The following GLDC variants were observed in gnomAD, a reference collection of about 807,000 sequenced individuals.
GLDC encodes glycine dehydrogenase (decarboxylating), mitochondrial.
In GLDC, 104 loss-of-function variants were observed where a neutral mutation model predicts 121.3. The ratio of observed to expected loss-of-function variants is 0.86; its 90% CI spans 0.73 to 1.01. GLDC has a LOEUF of 1.01. Among genes scored for constraint, GLDC ranks in the 50% least tolerant of loss-of-function variants. The pLI is 0.00. For missense variants in GLDC, 1,429 were observed against 1,306.6 expected (o/e 1.09, Z -1.44); for synonymous variants, 546 against 480.6 (o/e 1.14, Z -1.78).
intron 21 of GLDC, chr9:6,540,540 T>C (rs2297442): frequency 0.27 from 56,952 of 214,324 alleles, 8,406 homozygotes; most frequent in Admixed American, 0.32. Flanking sequence ...TACAAAATAT[T>C]TCTAGAGCCA....
At chr9:6,536,386 T>A (rs1044568786) in intron 22 of GLDC, 150 bp from the exon 23 acceptor site, 52 of 757,602 alleles carry the variant, frequency 6.9e-5, no homozygotes, top group Non-Finnish European at 2.0e-5. Flanking sequence ...ATCTCAGTGC[T>A]GTTCATAGAA....
intron 2 of GLDC, among the ~76,000 whole-genome samples, chr9:6,624,373 A>C (rs1306323952): frequency 2.0e-5 from 3 of 152,168 alleles, no homozygotes; most frequent in Non-Finnish European, 4.4e-5. Context: ...GAAGAGCAAA[A>C]TTGGGACACA....
rs376065525 is a variant in GLDC at position 6,625,488 on chromosome 9, T to C, written c.335-5169A>G. ...GGGTTACTGAAACCAACAGTCCTCATAGTAAGTGAAACCGCTAAGGTAATT... is the reference window on the plus strand; with the variant it reads ...GGGTTACTGAAACCAACAGTCCTCACAGTAAGTGAAACCGCTAAGGTAATT... On this transcript the variant is annotated intron_variant, in intron 2 of 24. Coordinates refer to ENST00000321612, the MANE Select transcript of GLDC (RefSeq NM_000170.3). Among the ~76,000 whole-genome samples the C allele has an allele frequency of 2.6e-4, 39 of 152,284 alleles. No individual in the cohort carries two copies. The East Asian group carries it at 5.0e-3, about 20-fold the overall frequency.
At chr9:6,581,400 G>A (rs951756114) in intron 15 of GLDC, among the ~76,000 whole-genome samples, 1 of 152,092 alleles carries the variant, frequency 6.6e-6, no homozygotes, top group African/African-American at 2.4e-5. Flanking sequence ...TGTGCTTTCC[G>A]GGATCAGCAA....
intron 15 of GLDC, chr9:6,567,340 G>A (rs1055447332): frequency 6.6e-6 from 1 of 152,148 alleles, no homozygotes; most frequent in African/African-American, 2.4e-5. Flanking sequence ...ACAAGAAAAT[G>A]AATATGCCGT....
chr9:6,585,767 C>T (rs1000089912), intron 15 of GLDC, among the ~76,000 whole-genome samples: 4 of 152,092 alleles, frequency 2.6e-5, no homozygotes, highest in Non-Finnish European at 5.9e-5. Flanking sequence ...AACTCATTTT[C>T]TAAAGATATT....
At chr9:6,599,987 T>C (rs1358336439) in intron 8 of GLDC, among the ~76,000 whole-genome samples, 2 of 152,144 alleles carry the variant, frequency 1.3e-5, no homozygotes, top group East Asian at 3.9e-4. Context: ...GAGGTGGTTC[T>C]AGACGCCAAA....
intron 15 of GLDC, among the ~76,000 whole-genome samples, chr9:6,577,101 G>C (rs998663852): frequency 1.3e-5 from 2 of 152,218 alleles, no homozygotes; most frequent in African/African-American, 4.8e-5. Context: ...GCATAACACA[G>C]AAATGCCCTG....
chr9:6,628,920 G>C (rs1819304692), intron 2 of GLDC, among the ~76,000 whole-genome samples: 1 of 152,098 alleles, frequency 6.6e-6, no homozygotes, highest in African/African-American at 2.4e-5. Context: ...TTCTGACCTT[G>C]TTTATTCTGC....
chr9:6,643,119 A>G (rs1819661472), intron 2 of GLDC, among the ~76,000 whole-genome samples: 1 of 152,060 alleles, frequency 6.6e-6, no homozygotes, highest in Admixed American at 6.6e-5. Context: ...ACTGGTCTCA[A>G]ACTGCTGGCC....
intron 2 of GLDC, among the ~76,000 whole-genome samples, chr9:6,632,890 G>C (rs928266917): frequency 2.0e-5 from 3 of 152,154 alleles, no homozygotes; most frequent in African/African-American, 7.2e-5. Flanking sequence ...CACTCAAACA[G>C]GCCTTACAAA....
Position 6,645,305 on chromosome 9 carries a change from C to G in GLDC, c.195G>C (p.Arg65=), listed in dbSNP as rs2130031993. ...RLLPRHDDFA[R]RHIGPGDKDQ... ...CTTTGTCCCCAGGGCCGATGTGCCT[C>G]CGAGCGAAGTCGTCGTGTCTGGGCA... is the stretch of plus-strand genomic sequence containing the variant. Residue 65 remains arginine (R), a synonymous_variant, in exon 1 of 25, where the codon CGG becomes CGC. Transcript: ENST00000321612. The G allele has an allele frequency of 6.3e-7, 1 of 1,598,402 alleles. No individual in the cohort carries two copies.
At chr9:6,595,193 G>C (rs1033668848) in intron 8 of GLDC, 74 bp from the exon 9 acceptor site, 10 of 1,001,214 alleles carry the variant, frequency 1.0e-5, no homozygotes, top group African/African-American at 1.6e-5. Context: ...CTTGACTTGG[G>C]ATGTCAAAAC....
chr9:6,562,060 C>G (rs61682033), intron 16 of GLDC, among the ~76,000 whole-genome samples: 3 of 152,172 alleles, frequency 2.0e-5, no homozygotes, highest in Admixed American at 6.5e-5. Flanking sequence ...AACAGCAAAC[C>G]TAATTGTTTT....
At chr9:6,579,925 C>T (rs1190084764) in intron 15 of GLDC, among the ~76,000 whole-genome samples, 2 of 152,192 alleles carry the variant, frequency 1.3e-5, no homozygotes, top group Non-Finnish European at 2.9e-5. Context: ...GTTCAGGTTG[C>T]TGCAACATCT....
intron 22 of GLDC, among the ~76,000 whole-genome samples, chr9:6,539,202 G>C (rs1433036293): frequency 6.6e-6 from 1 of 152,026 alleles, no homozygotes; most frequent in Middle Eastern, 3.2e-3. Flanking sequence ...TATTGGCTGG[G>C]CGTGCTGGCT....
chr9:6,618,152 C>T (rs4740852), intron 3 of GLDC, among the ~76,000 whole-genome samples: 21,906 of 152,154 alleles, frequency 0.14, 1,640 homozygotes, highest in South Asian at 0.28. Flanking sequence ...AAGTGGACAC[C>T]TATATTTTCA....
chr9:6,606,048 C>T (rs547906227), intron 5 of GLDC: 1 of 160,002 alleles, frequency 6.2e-6, no homozygotes, highest in Non-Finnish European at 1.4e-5. Flanking sequence ...TGGCTCAAGC[C>T]TGTAATCCCA....
chr9:6,554,741 G>A lies in GLDC; in HGVS notation c.2243C>T (p.Ser748Leu), dbSNP rs769035358. ...GAAGGTCTTGTGAAGATTTAGGTGC[G>A]AGACATCAGACCCGAAGTCTCCAGG... ...CRPGDFGSDV[S>L]HLNLHKTFCI... is the part of the protein sequence containing the mutation. The change falls in exon 19 of 25, where the codon TCG becomes TTG. Residue 748 changes from serine to leucine, a missense_variant. Transcript: ENST00000321612. 9.3e-6 allele frequency: 15 copies of A among 1,613,360 alleles called. No individual in the cohort carries two copies. Among genetic ancestry groups the A allele is most frequent in the Middle Eastern group, 1.7e-4 (1 of 5,820 alleles).
Sources: gnomAD v4.1 joint callset for allele counts (sites outside exome capture counted in the v4.1 genomes callset) on GRCh38, gnomAD v4.1.1 for gene constraint, MANE v1.5 for transcripts, NCBI Gene and HGNC (gene_info 2026-07-23, HGNC 2026-07-21) for gene names.